RSRC1: variants seen among roughly 807,000 people sequenced by gnomAD.
RSRC1 encodes the protein arginine and serine rich coiled-coil 1.
RSRC1 carries 39 observed loss-of-function variants against 49.1 expected under a neutral mutation model. The observed-to-expected ratio is 0.79, with a 90% CI of 0.61 to 1.04. The LOEUF (loss-of-function observed/expected upper bound fraction) is 1.04. Ranked by LOEUF, RSRC1 falls within the 50% of genes least tolerant of loss-of-function variation. The pLI is 0.00. For missense variants in RSRC1, 388 were observed against 402.4 expected (o/e 0.96, Z 0.31); for synonymous variants, 143 against 130.8 (o/e 1.09, Z -0.63).
intron 6 of RSRC1, among the ~76,000 whole-genome samples, chr3:158,425,550 G>A (rs1735374470): frequency 6.6e-6 from 1 of 152,024 alleles, no homozygotes; most frequent in South Asian, 2.1e-4. Context: ...TGAAAAAAAT[G>A]TATATTCTGT....
chr3:158,404,114 G>T (rs1055175507), intron 6 of RSRC1, among the ~76,000 whole-genome samples: 1 of 151,850 alleles, frequency 6.6e-6, no homozygotes, highest in African/African-American at 2.4e-5. Flanking sequence ...TCAAGGCCAT[G>T]AATTTTTCAG....
At chr3:158,420,462 G>A (rs1033335197) in intron 6 of RSRC1, among the ~76,000 whole-genome samples, 1 of 151,912 alleles carries the variant, frequency 6.6e-6, no homozygotes, top group African/African-American at 2.4e-5. Context: ...TTACTATTCT[G>A]AGAGAAATAG....
chr3:158,192,072 G>GT (rs1720273865), intron 3 of RSRC1, among the ~76,000 whole-genome samples: 1 of 151,430 alleles, frequency 6.6e-6, no homozygotes, highest in Admixed American at 6.6e-5. Flanking sequence ...TTTTTCACAC[G>GT]TATTTTCTTC....
At chr3:158,158,247 T>C (rs992172144) in intron 3 of RSRC1, among the ~76,000 whole-genome samples, 15 of 152,218 alleles carry the variant, frequency 9.9e-5, no homozygotes, top group African/African-American at 3.4e-4. Context: ...GCTATGTGAG[T>C]TCACTTACAA....
intron 3 of RSRC1, among the ~76,000 whole-genome samples, chr3:158,134,339 A>G (rs4680413): frequency 0.22 from 33,272 of 152,038 alleles, 4,228 homozygotes; most frequent in Non-Finnish European, 0.29. Flanking sequence ...GTAAATTAAA[A>G]ATTTTTTTCT....
intron 7 of RSRC1, among the ~76,000 whole-genome samples, chr3:158,479,223 GTAT>G (rs1738512319): frequency 6.7e-6 from 1 of 148,832 alleles, no homozygotes; most frequent in Admixed American, 6.7e-5. Flanking sequence ...TTTAAATATA[GTAT>G]TATTTTTAAA....
At chr3:158,453,262 T>C (rs927168534) in intron 6 of RSRC1, among the ~76,000 whole-genome samples, 6 of 152,076 alleles carry the variant, frequency 3.9e-5, no homozygotes, top group African/African-American at 1.5e-4. Flanking sequence ...TGTGCACACA[T>C]TTTCAAACTC....
chr3:158,110,608 G>C (rs2108143561), intron 1 of RSRC1: 1 of 152,530 alleles, frequency 6.6e-6, no homozygotes, highest in Non-Finnish European at 1.5e-5. Context: ...GCTCTAGGTA[G>C]GGTGGAGCAA....
intron 4 of RSRC1, among the ~76,000 whole-genome samples, chr3:158,248,473 GTTACTGTTTCCTGTTTTTGACTA>G (rs1484319266): frequency 2.0e-5 from 3 of 151,934 alleles, no homozygotes; most frequent in Non-Finnish European, 4.4e-5. Context: ...GTTTTTGACT[GTTACTGTTTCCTGTTTTTGACTA>G]TTACTGGTAA....
intron 3 of RSRC1, among the ~76,000 whole-genome samples, chr3:158,128,574 A>T (rs1342927381): frequency 6.6e-6 from 1 of 152,186 alleles, no homozygotes; most frequent in Non-Finnish European, 1.5e-5. Flanking sequence ...AAAAAATAAT[A>T]CAGAATTTCC....
At chr3:158,421,412 T>C (rs990731908) in intron 6 of RSRC1, among the ~76,000 whole-genome samples, 3 of 151,910 alleles carry the variant, frequency 2.0e-5, no homozygotes, top group South Asian at 2.1e-4. Context: ...GTAAATGTTA[T>C]GGTAGTGGTA....
At chr3:158,469,458 A>G (rs1056914640) in intron 7 of RSRC1, 1 of 415,780 alleles carries the variant, frequency 2.4e-6, no homozygotes, top group South Asian at 1.8e-5. Context: ...AGTTAATACC[A>G]TGCAAAGTCT....
At chr3:158,416,955 T>C (rs997945868) in intron 6 of RSRC1, among the ~76,000 whole-genome samples, 2 of 152,042 alleles carry the variant, frequency 1.3e-5, no homozygotes, top group Admixed American at 1.3e-4. Context: ...ACAGAAGAAT[T>C]TCATCACTTC....
chr3:158,242,195 C>G (rs1479789600), intron 4 of RSRC1, among the ~76,000 whole-genome samples: 2 of 151,970 alleles, frequency 1.3e-5, no homozygotes, highest in African/African-American at 4.8e-5. Flanking sequence ...GATGCTGTTT[C>G]TCCTGCCACC....
intron 3 of RSRC1, among the ~76,000 whole-genome samples, chr3:158,126,168 C>T (rs1715612802): frequency 6.6e-6 from 1 of 152,030 alleles, no homozygotes; most frequent in Admixed American, 6.6e-5. Flanking sequence ...AAAATTCATT[C>T]AGCTACTTTT....
intron 4 of RSRC1, among the ~76,000 whole-genome samples, chr3:158,283,052 C>G (rs1726272943): frequency 6.6e-6 from 1 of 152,106 alleles, no homozygotes; most frequent in African/African-American, 2.4e-5. Flanking sequence ...CATTCTCCAT[C>G]TCTAAATTGA....
At chr3:158,233,024 TTAAA>T (rs1723052690) in intron 4 of RSRC1, among the ~76,000 whole-genome samples, 1 of 23,328 alleles carries the variant, frequency 4.3e-5, no homozygotes, top group African/African-American at 2.0e-4. Flanking sequence ...GAATGAATAA[TTAAA>T]AAACAGAAAT....
At chr3:158,122,062 C>A in intron 1 of RSRC1, 41 bp from the exon 2 acceptor site, 1 of 1,206,278 alleles carries the variant, frequency 8.3e-7, no homozygotes, top group Non-Finnish European at 1.1e-6. Context: ...TCCATTGTGC[C>A]ACCATGTTAG....
At chr3:158,469,313 T>C (rs1170842756) in intron 7 of RSRC1, 1 of 427,602 alleles carries the variant, frequency 2.3e-6, no homozygotes, top group East Asian at 7.5e-5. Flanking sequence ...AATTCAATCA[T>C]CCTAAAGTCT....
Sources: allele counts gnomAD v4.1 joint callset (sites outside exome capture counted in the v4.1 genomes callset), GRCh38; gene constraint gnomAD v4.1.1; transcripts MANE v1.5; gene names NCBI Gene and HGNC (gene_info 2026-07-23, HGNC 2026-07-21).